Variants in CYP2C19 observed in about 807,000 individuals in gnomAD.
The protein encoded by CYP2C19 is cytochrome P450 family 2 subfamily C member 19, also known as cytochrome P450 2C19.
Under a neutral mutation model 40.9 loss-of-function variants are expected in CYP2C19, and 59 were observed. The observed-to-expected ratio is 1.44, with a 90% CI of 1.17 to 1.79. The LOEUF (loss-of-function observed/expected upper bound fraction) is 1.79, where lower values mean the gene tolerates loss of function less well. Ranked by LOEUF, CYP2C19 falls within the 40% of genes most tolerant of loss-of-function variation. The pLI is 0.00. For synonymous variants in CYP2C19, 253 were observed against 208.7 expected (o/e 1.21, Z -1.83); for missense variants, 754 against 596.9 (o/e 1.26, Z -2.74).
At chr10:94,775,681 G>A in intron 3 of CYP2C19, 142 bp downstream of exon 3, 1 of 1,419,110 alleles carries the variant, frequency 7.0e-7, no homozygotes. Flanking sequence ...TTGAAGCTGA[G>A]AGCCAAGGGA....
At chr10:94,797,510 A>T (rs1488800842) in intron 5 of CYP2C19, among the ~76,000 whole-genome samples, 1 of 152,100 alleles carries the variant, frequency 6.6e-6, no homozygotes, top group East Asian at 1.9e-4. Flanking sequence ...TCATAAAATT[A>T]GTTAGGGAGG....
rs565451945 is a variant in CYP2C19 at position 94,800,415 on chromosome 10, C to T, written c.819+18418C>T. ...GGAAGCTTCATCCCAGAGGGACACC[C>T]ACGTGTATGAGGTGTCTGTTGGCCC... On this transcript the variant is annotated intron_variant, in intron 5 of 8. Transcript: ENST00000371321. Among the ~76,000 whole-genome samples, 4 of 152,296 alleles carry T rather than the reference C, an allele frequency of 2.6e-5. No homozygotes were observed. The South Asian group carries it at 8.3e-4, about 32-fold the overall frequency.
At chr10:94,844,567 A>G (rs1387264390) in intron 7 of CYP2C19, among the ~76,000 whole-genome samples, 1 of 152,240 alleles carries the variant, frequency 6.6e-6, no homozygotes, top group Non-Finnish European at 1.5e-5. Context: ...TAGTAAAATT[A>G]AAAATAATAT....
At position 94,810,360 on chromosome 10, in the gene CYP2C19, T is replaced by C. The variant is rs577324804; in HGVS notation, c.820-10136T>C. Among the ~76,000 whole-genome samples, 5 of 152,290 alleles carry C rather than the reference T, an allele frequency of 3.3e-5. No individual in the cohort carries two copies. The South Asian group carries it at 8.3e-4, about 25-fold the overall frequency. ...TGAAATTTTCTTTTTTTTTGTTTTATGTCTGCCAAGTTTTGGTATCAGGAT... is the reference window on the plus strand; with the variant it reads ...TGAAATTTTCTTTTTTTTTGTTTTACGTCTGCCAAGTTTTGGTATCAGGAT... On this transcript the variant is annotated intron_variant, in intron 5 of 8. Transcript: ENST00000371321.
At chr10:94,848,233 C>A (rs1021081414) in intron 7 of CYP2C19, among the ~76,000 whole-genome samples, 2 of 152,116 alleles carry the variant, frequency 1.3e-5, no homozygotes, top group African/African-American at 4.8e-5. Flanking sequence ...AGTCTTTGAT[C>A]CATCTTGAAT....
intron 6 of CYP2C19, among the ~76,000 whole-genome samples, chr10:94,822,349 C>A (rs1029462497): frequency 6.6e-6 from 1 of 152,114 alleles, no homozygotes; most frequent in Non-Finnish European, 1.5e-5. Context: ...TAAATTATGT[C>A]CCATTGAGTC....
rs1420666041 is a variant in CYP2C19 at position 94,775,188 on chromosome 10, T to C, written c.299T>C (p.Phe100Ser). 4 of 1,614,042 alleles carry C rather than the reference T, an allele frequency of 2.5e-6. No individual in the cohort carries two copies. The highest frequency in any genetic ancestry group is 2.7e-5 in the African/African-American group (2 of 75,024). ...LGEEFSGRGH[F>S]PLAERANRGF... ...GAGGAGTTTTCTGGAAGAGGCCATT[T>C]CCCACTGGCTGAAAGAGCTAACAGA... Residue 100 changes from phenylalanine (F) to serine (S), a missense_variant, in exon 2 of 9, where the codon TTC (phenylalanine) becomes TCC (serine). Phe to Ser is a radical substitution (Grantham distance 155). Coordinates refer to ENST00000371321, the MANE Select transcript of CYP2C19 (RefSeq NM_000769.4).
At position 94,853,907 on chromosome 10, in the gene CYP2C19, C is replaced by A. The variant is rs1196366166; in HGVS notation, c.*993C>A. On this transcript the variant is annotated 3_prime_UTR_variant, in exon 9 of 9. Coordinates refer to ENST00000371321, the MANE Select transcript of CYP2C19 (RefSeq NM_000769.4). ...ATAAAGAATCAGGTTACTTTTATTA[C>A]TTCATGTTTCCAACTTAGAATGAAG... Among the ~76,000 whole-genome samples the A allele has an allele frequency of 6.6e-6, 1 of 152,094 alleles. No individual in the cohort carries two copies. The highest frequency in any genetic ancestry group is 2.4e-5 in the African/African-American group (1 of 41,414).
chr10:94,780,909 A>G (rs1848471036), intron 4 of CYP2C19, among the ~76,000 whole-genome samples: 1 of 152,146 alleles, frequency 6.6e-6, no homozygotes, highest in South Asian at 2.1e-4. Context: ...ACTAAACTCC[A>G]AAGCCCTGTT....
At chr10:94,831,825 T>C (rs747720460) in intron 6 of CYP2C19, among the ~76,000 whole-genome samples, 1 of 152,206 alleles carries the variant, frequency 6.6e-6, no homozygotes, top group African/African-American at 2.4e-5. Context: ...ATGAGTAGTT[T>C]GCATATATTT....
chr10:94,854,110 C>T lies in CYP2C19; in HGVS notation c.*1196C>T, dbSNP rs1849697435. On this transcript the variant is annotated 3_prime_UTR_variant, in exon 9 of 9. Coordinates refer to ENST00000371321, the MANE Select transcript of CYP2C19 (RefSeq NM_000769.4). ...CTCGGCTCACTGCAATCTCCACCTC[C>T]TGGATTCAAGTGGTTCTCCTGCCTC... 6.6e-6 allele frequency among the ~76,000 whole-genome samples: 1 copy of T among 151,212 alleles called. No individual in the cohort carries two copies. Among genetic ancestry groups the T allele is most frequent in the Non-Finnish European group, 1.5e-5 (1 of 67,870 alleles).
chr10:94,780,861 C>T (rs1038450888), intron 4 of CYP2C19, among the ~76,000 whole-genome samples: 1 of 152,076 alleles, frequency 6.6e-6, no homozygotes, highest in African/African-American at 2.4e-5. Flanking sequence ...ATAGATCAGG[C>T]TTCTAAGCCC....
intron 5 of CYP2C19, among the ~76,000 whole-genome samples, chr10:94,807,153 G>T (rs1231199790): frequency 1.3e-5 from 2 of 152,004 alleles, no homozygotes; most frequent in Non-Finnish European, 2.9e-5. Context: ...ATCTTTCCAT[G>T]CCAGGCTTAT....
intron 6 of CYP2C19, among the ~76,000 whole-genome samples, chr10:94,833,404 G>C (rs1442350240): frequency 6.6e-6 from 1 of 151,730 alleles, no homozygotes; most frequent in African/African-American, 2.4e-5. Context: ...CTGTCATATA[G>C]CTTTTTTTAT....
chr10:94,767,892 C>T (rs1848269831), intron 1 of CYP2C19, among the ~76,000 whole-genome samples: 1 of 152,118 alleles, frequency 6.6e-6, no homozygotes. Flanking sequence ...GGGGTTTGTT[C>T]CATACCAAGT....
In CYP2C19 at chr10:94,842,957, T is replaced by G. The variant is rs1202370405; in HGVS notation, c.1082T>G (p.Leu361Arg). 2 of 1,614,200 alleles carry G rather than the reference T, an allele frequency of 1.2e-6. No individual in the cohort carries two copies. Among genetic ancestry groups the G allele is most frequent in the Non-Finnish European group, 1.7e-6 (2 of 1,180,028 alleles). Reference protein sequence around the residue: ...VVHEVQRYIDLIPTSLPHAVT... With the variant: ...VVHEVQRYIDRIPTSLPHAVT... ...CACGAGGTCCAGAGATACATCGACCTCATCCCCACCAGCCTGCCCCATGCA... is the reference window on the plus strand; with the variant it reads ...CACGAGGTCCAGAGATACATCGACCGCATCCCCACCAGCCTGCCCCATGCA... Residue 361 changes from leucine (L) to arginine (R), a missense_variant, in exon 7 of 9, where the codon CTC becomes CGC. Coordinates refer to ENST00000371321, the MANE Select transcript of CYP2C19 (RefSeq NM_000769.4).
rs575072786 is a variant in CYP2C19, at chr10:94,767,645, C to T, written c.168+4772C>T. On this transcript the variant is annotated intron_variant, in intron 1 of 8. Transcript: ENST00000371321. ...CACCTCAGAGGCTTTGACTACCTGTCGGATTGTCCAGAGGAGATTTGGCCC... is the reference window on the plus strand; with the variant it reads ...CACCTCAGAGGCTTTGACTACCTGTTGGATTGTCCAGAGGAGATTTGGCCC... Among the ~76,000 whole-genome samples, 14 of 152,268 alleles carry T rather than the reference C, an allele frequency of 9.2e-5. No homozygotes were observed. In the East Asian group the frequency reaches 1.2e-3, roughly 13 times the overall value.
At position 94,853,170 on chromosome 10, in the gene CYP2C19, A is replaced by G; in HGVS notation, c.*256A>G. The stretch of plus-strand genomic sequence containing the variant: ...TCTAATGTTGAGTTATTAACATATT[A>G]TTATTAAATAGAGAAAGATGATTTG... On this transcript the variant is annotated 3_prime_UTR_variant, in exon 9 of 9. Coordinates refer to ENST00000371321, the MANE Select transcript of CYP2C19 (RefSeq NM_000769.4). 1 of 468,586 alleles carries G rather than the reference A, an allele frequency of 2.1e-6. No individual in the cohort carries two copies. The highest frequency in any genetic ancestry group is 3.7e-6 in the Non-Finnish European group (1 of 267,172). The allele number at this position is 468,586 out of a possible 1,614,324, so 29.0% of individuals were successfully genotyped here. A position where few individuals can be genotyped will look rare whatever the true frequency, so the allele number is the denominator to read the frequency against.
In CYP2C19 at chr10:94,776,017, T is replaced by A. The variant is rs17882646; in HGVS notation, c.481+478T>A. 3.0e-3 allele frequency: 520 copies of A among 172,552 alleles called. 2 individuals carry two copies. The highest frequency in any genetic ancestry group is 0.012 in the African/African-American group (503 of 41,828). The allele number at this position is 172,552 out of a possible 1,614,324, so 10.7% of individuals were successfully genotyped here. On this transcript the variant is annotated intron_variant, in intron 3 of 8. Transcript: ENST00000371321. The stretch of plus-strand genomic sequence containing the variant: ...GTATGGTCAGCCTCACTGACTTGTC[T>A]AGGGTTTCTTTTAGGCCCATGCTTG...
Sources: allele counts gnomAD v4.1 joint callset (sites outside exome capture counted in the v4.1 genomes callset), GRCh38; gene constraint gnomAD v4.1.1; transcripts MANE v1.5; gene names NCBI Gene and HGNC (gene_info 2026-07-23, HGNC 2026-07-21).